Variants in RUBCN observed in about 807,000 individuals in gnomAD.
RUBCN encodes the protein run domain Beclin-1-interacting and cysteine-rich domain-containing protein.
Under a neutral mutation model 113.2 loss-of-function variants are expected in RUBCN, and 74 were observed. That is an observed-to-expected ratio of 0.65 (90% CI 0.54 to 0.79). The LOEUF (loss-of-function observed/expected upper bound fraction) is 0.79. RUBCN is among the 30% of genes least tolerant of loss of function. The pLI, the probability that RUBCN is intolerant of heterozygous loss-of-function variation, is 0.00. For synonymous variants in RUBCN, 480 were observed against 490.0 expected (o/e 0.98, Z 0.27); for missense variants, 1,109 against 1,251.7 (o/e 0.89, Z 1.72).
chr3:197,724,273 T>C (rs538224832), intron 1 of RUBCN, among the ~76,000 whole-genome samples: 3 of 152,044 alleles, frequency 2.0e-5, no homozygotes, highest in Non-Finnish European at 4.4e-5. Flanking sequence ...TATGTTATAA[T>C]AAGTAACACT....
intron 2 of RUBCN, among the ~76,000 whole-genome samples, chr3:197,717,202 A>C (rs1431646297): frequency 6.6e-6 from 1 of 151,832 alleles, no homozygotes. Context: ...TGGGAGGCCA[A>C]GGTGGGCAGA....
At chr3:197,740,872 C>G (rs1387774704), upstream of RUBCN, among the ~76,000 whole-genome samples, 1 of 152,140 alleles carries the variant, frequency 6.6e-6, no homozygotes, top group Non-Finnish European at 1.5e-5. Context: ...CTGCCCACCT[C>G]AGCCTCCCAA....
At chr3:197,744,620 A>G (rs189671982) in intron 1 of RUBCN, among the ~76,000 whole-genome samples, 143 of 152,362 alleles carry the variant, frequency 9.4e-4, no homozygotes, top group African/African-American at 3.4e-3. Flanking sequence ...CACTACTCCA[A>G]TTAAACATGA....
rs563656830 is a variant in RUBCN, at chr3:197,681,624, A to T, written c.2191+211T>A. ...CTTACCAGCTAGCTGGAACTACCCA[A>T]CTTTCCACAGGATACAATCCTGGCC... On this transcript the variant is annotated intron_variant, in intron 15 of 19. Transcript: ENST00000296343. This position sits in a 1 kb window ranked among gnomAD's most constrained non-coding sequence, Gnocchi z 5.5. Among the ~76,000 whole-genome samples, 4 of 152,058 alleles carry T rather than the reference A, an allele frequency of 2.6e-5. No individual in the cohort carries two copies. Among genetic ancestry groups the T allele is most frequent in the Non-Finnish European group, 5.9e-5 (4 of 67,996 alleles).
chr3:197,681,353 G>A lies in RUBCN; in HGVS notation c.2206C>T (p.Leu736=), dbSNP rs961178112. ...TTGCCCAGGTACTCACAGTACCGCA[G>A]TCGCTTGATGTAATCTGGAAAAACC... ...IRTDPDYIKR[L]RYCEYLGKYF... The change falls in exon 16 of 20, where the codon CTG becomes TTG. Residue 736 remains leucine (L), a synonymous_variant. Transcript: ENST00000296343. The surrounding 1 kb of genome is among the most constrained non-coding windows in gnomAD (Gnocchi z 5.5). 1 of 1,613,422 alleles carries A rather than the reference G, an allele frequency of 6.2e-7. No homozygotes were observed. The highest frequency in any genetic ancestry group is 1.1e-5 in the South Asian group (1 of 91,064).
At chr3:197,747,658 T>A (rs906606088) in intron 1 of RUBCN, among the ~76,000 whole-genome samples, 2 of 152,128 alleles carry the variant, frequency 1.3e-5, no homozygotes, top group Non-Finnish European at 2.9e-5. Context: ...GAACTTAACC[T>A]AAGGATCCTC....
Position 197,675,678 on chromosome 3 carries a change from C to T in RUBCN, c.2647-163G>A, listed in dbSNP as rs116765522. Among the ~76,000 whole-genome samples, 1,863 of 150,928 alleles carry T rather than the reference C, an allele frequency of 0.012. 45 individuals carry two copies. Among genetic ancestry groups the T allele is most frequent in the African/African-American group, 0.044 (1,794 of 41,068 alleles). On this transcript the variant is annotated intron_variant, in intron 18 of 19. Coordinates refer to ENST00000296343, the MANE Select transcript of RUBCN (RefSeq NM_014687.4). The surrounding 1 kb of genome is among the most constrained non-coding windows in gnomAD (Gnocchi z 4.4). ...ATGAAAGCTAAACTAGGACCAGGGC[C>T]GGGCAGCGTTAGACAAAGCTTTAGG...
In RUBCN at chr3:197,682,633, A is replaced by G. The variant is rs369378596; in HGVS notation, c.1981-18T>C. On this transcript the variant is annotated intron_variant, in intron 13 of 19. Transcript: ENST00000296343. ...GGCAGGAGCTGCAGGAGGAAAGCAC[A>G]GTTGGGGTAAGCTCGTGTCAGTGTG... is the stretch of plus-strand genomic sequence containing the variant. 464 of 1,602,074 alleles carry G rather than the reference A, an allele frequency of 2.9e-4. No homozygotes were observed. Among genetic ancestry groups the G allele is most frequent in the Non-Finnish European group, 3.8e-4 (448 of 1,173,034 alleles).
At chr3:197,749,564 G>A (rs1400993318) in exon 1 of RUBCN, 13 of 1,291,598 alleles carry the variant, frequency 1.0e-5, no homozygotes, top group Non-Finnish European at 1.3e-5. Context: ...AAAGGCTCGT[G>A]TGTACCGAAG....
At chr3:197,700,395 CATT>C in intron 7 of RUBCN, 2 of 594,778 alleles carry the variant, frequency 3.4e-6, no homozygotes, top group South Asian at 4.4e-5. Flanking sequence ...TCCAGGAAAA[CATT>C]TAATATTAGC....
chr3:197,701,979 G>T, intron 5 of RUBCN, 115 bp from the exon 6 acceptor site: 1 of 931,508 alleles, frequency 1.1e-6, no homozygotes, highest in South Asian at 1.4e-5. Context: ...AGTAGGCCTG[G>T]ACTTTAGCCA....
intron 11 of RUBCN, among the ~76,000 whole-genome samples, chr3:197,686,657 G>C (rs1374831481): frequency 1.3e-5 from 2 of 152,246 alleles, no homozygotes; most frequent in Non-Finnish European, 2.9e-5. Context: ...AGTGAAGAGA[G>C]GGGGAGCTGC....
At position 197,718,197 on chromosome 3, in the gene RUBCN, GA is replaced by G. The variant is rs374832570; in HGVS notation, c.66-68del. ...TGTACTTGATCCTGATCATATCAAA[GA>G]AAGTCTAAGCCGAGGAGCCTCCTGC... is the stretch of plus-strand genomic sequence containing the variant. On this transcript the variant is annotated intron_variant, in intron 1 of 19. Coordinates refer to ENST00000296343, the MANE Select transcript of RUBCN (RefSeq NM_014687.4). 2.0e-4 allele frequency: 325 copies of G among 1,587,928 alleles called. 2 individuals carry two copies. In the African/African-American group the frequency reaches 3.5e-3, roughly 17 times the overall value.
chr3:197,712,042 A>G (rs1292489216), intron 2 of RUBCN, among the ~76,000 whole-genome samples: 1 of 152,196 alleles, frequency 6.6e-6, no homozygotes, highest in Non-Finnish European at 1.5e-5. Context: ...ATATTCAGAA[A>G]AAAACCACAG....
Position 197,672,427 on chromosome 3 carries a change from C to A in RUBCN, c.*2591G>T, listed in dbSNP as rs977033390. 2 of 152,232 alleles carry A rather than the reference C, an allele frequency of 1.3e-5. No homozygotes were observed. Among genetic ancestry groups the A allele is most frequent in the Non-Finnish European group, 2.9e-5 (2 of 68,050 alleles). 9.4% of individuals were successfully genotyped at this position (152,232 alleles called of 1,614,324 possible). On this transcript the variant is annotated 3_prime_UTR_variant, in exon 20 of 20. Coordinates refer to ENST00000296343, the MANE Select transcript of RUBCN (RefSeq NM_014687.4). ...CATCCCATCCTCTACCCACTTCCCCCCTCTTGAATAAATAACTGGGTATTT... is the reference window on the plus strand; with the variant it reads ...CATCCCATCCTCTACCCACTTCCCCACTCTTGAATAAATAACTGGGTATTT...
chr3:197,749,634 A>G, exon 1 of RUBCN: 1 of 968,950 alleles, frequency 1.0e-6, no homozygotes, highest in Non-Finnish European at 1.5e-6. Flanking sequence ...ATATCACTGA[A>G]GGCATAAGAT....
At position 197,747,665 on chromosome 3, in the gene RUBCN, C is replaced by CCT. The variant is rs150215597; in HGVS notation, c.-116+1602_-116+1603dup. Among the ~76,000 whole-genome samples, 340 of 152,248 alleles carry CCT rather than the reference C, an allele frequency of 2.2e-3. 1 individual carries two copies. Among genetic ancestry groups the CCT allele is most frequent in the African/African-American group, 7.7e-3 (319 of 41,544 alleles). Reference sequence around the variant, plus strand: ...AAAATTAAGAACTTAACCTAAGGATCCTCTCTGTAGTTTACTCTCACAAAT... The same window carrying CCT: ...AAAATTAAGAACTTAACCTAAGGATCCTCTCTCTGTAGTTTACTCTCACAAAT... On this transcript the variant is annotated intron_variant, in intron 1 of 20. Coordinates refer to the RUBCN transcript ENST00000273582.
chr3:197,698,584 C>A (rs1723265618), intron 7 of RUBCN, among the ~76,000 whole-genome samples: 5 of 151,140 alleles, frequency 3.3e-5, no homozygotes, highest in Non-Finnish European at 4.4e-5. Flanking sequence ...AACAAAAAAA[C>A]AAAAAACAAA....
intron 7 of RUBCN, among the ~76,000 whole-genome samples, chr3:197,697,661 A>G (rs953198588): frequency 1.3e-5 from 2 of 152,196 alleles, no homozygotes; most frequent in Non-Finnish European, 2.9e-5. Flanking sequence ...AATGCCTGGG[A>G]CAGGAAGAGC....
Sources: gnomAD v4.1 joint callset for allele counts (sites outside exome capture counted in the v4.1 genomes callset) on GRCh38, gnomAD v4.1.1 for gene constraint, Gnocchi (gnomAD v3.1) non-coding constraint, MANE v1.5 for transcripts, NCBI Gene and HGNC (gene_info 2026-07-23, HGNC 2026-07-21) for gene names.